Variants in GSE1 observed in about 807,000 individuals in gnomAD.
The protein encoded by GSE1 is Gse1 coiled-coil protein, also known as genetic suppressor element 1.
GSE1 carries 32 observed loss-of-function variants against 112.6 expected under a neutral mutation model. The observed-to-expected ratio is 0.28, with a 90% CI of 0.21 to 0.38. The LOEUF (loss-of-function observed/expected upper bound fraction) is 0.38. GSE1 is among the 10% of genes least tolerant of loss of function. The pLI is 1.00. For synonymous variants in GSE1, 1,115 were observed against 735.6 expected, an observed-to-expected ratio of 1.52 and a Z score of -8.35; for missense variants, 2,348 against 1,699.2, an observed-to-expected ratio of 1.38 and a Z score of -6.71.
chr16:85,634,159 G>T (rs562861824), intron 2 of GSE1, 27 bp downstream of exon 2: 274 of 1,383,418 alleles, frequency 2.0e-4, no homozygotes, highest in Middle Eastern at 2.5e-4. Flanking sequence ...GGCTGCGCGT[G>T]GGGGGAGCGG....
chr16:85,303,527 G>C (rs1597341714), intron 1 of GSE1, among the ~76,000 whole-genome samples: 1 of 152,242 alleles, frequency 6.6e-6, no homozygotes, highest in African/African-American at 2.4e-5. Flanking sequence ...GGGGCCGCTG[G>C]ACTCGCTCAT....
At chr16:85,184,574 C>G (rs958604302) in intron 1 of GSE1, among the ~76,000 whole-genome samples, 2 of 152,228 alleles carry the variant, frequency 1.3e-5, no homozygotes, top group African/African-American at 4.8e-5. Context: ...ATTATCCCTA[C>G]TTTAATAGAG....
At chr16:85,250,485 C>G (rs1426785227) in intron 1 of GSE1, among the ~76,000 whole-genome samples, 1 of 152,244 alleles carries the variant, frequency 6.6e-6, no homozygotes, top group Non-Finnish European at 1.5e-5. Context: ...CCCCGACCCC[C>G]TACCGCTCTG....
chr16:85,305,513 C>T (rs528633363), intron 1 of GSE1, among the ~76,000 whole-genome samples: 1 of 151,904 alleles, frequency 6.6e-6, no homozygotes, highest in African/African-American at 2.4e-5. Flanking sequence ...CGGAGTCTTG[C>T]TCTGTCACCC....
chr16:85,383,186 GCA>G (rs1193266540), intron 2 of GSE1, among the ~76,000 whole-genome samples: 1 of 151,448 alleles, frequency 6.6e-6, no homozygotes, highest in East Asian at 2.0e-4. Context: ...GTGCACATTT[GCA>G]CACACACATC....
At chr16:85,181,851 T>A (rs1567593390) in intron 1 of GSE1, among the ~76,000 whole-genome samples, 1 of 152,178 alleles carries the variant, frequency 6.6e-6, no homozygotes, top group Non-Finnish European at 1.5e-5. Context: ...GAGGCCTGGA[T>A]GTCCCGAGAG....
intron 2 of GSE1, among the ~76,000 whole-genome samples, chr16:85,370,955 G>A (rs959703243): frequency 3.9e-5 from 6 of 152,224 alleles, no homozygotes; most frequent in Admixed American, 3.3e-4. Context: ...GCCAGGGTGG[G>A]GCGGAGGCTG....
At chr16:85,390,574 T>C (rs1421645271) in intron 2 of GSE1, among the ~76,000 whole-genome samples, 1 of 152,192 alleles carries the variant, frequency 6.6e-6, no homozygotes, top group East Asian at 1.9e-4. Context: ...TGTCTGCTCA[T>C]ATTTCATCCT....
chr16:85,298,468 C>G (rs1351089761), intron 1 of GSE1, among the ~76,000 whole-genome samples: 1 of 152,184 alleles, frequency 6.6e-6, no homozygotes, highest in Non-Finnish European at 1.5e-5. Context: ...CTCTCTCTCA[C>G]CCAGGTTGGA....
chr16:85,437,897 G>A (rs1392558672), intron 2 of GSE1, among the ~76,000 whole-genome samples: 1 of 152,162 alleles, frequency 6.6e-6, no homozygotes, highest in Non-Finnish European at 1.5e-5. Context: ...TTCTGAGCCT[G>A]CCTCCTTGAT....
chr16:85,448,754 C>G (rs1431680605), intron 2 of GSE1, among the ~76,000 whole-genome samples: 28 of 152,348 alleles, frequency 1.8e-4, no homozygotes, highest in Non-Finnish European at 1.6e-4. Flanking sequence ...GCCCTGCAAC[C>G]CGGGGCAGGA....
chr16:85,672,670 G>C lies in GSE1; in HGVS notation c.*131G>C. On this transcript the variant is annotated 3_prime_UTR_variant, in exon 16 of 16. Transcript: ENST00000253458. ...AGAATGTGCCATGCATGAAGCAAAG[G>C]ATTCCAGGCTCCAGAAAAAATGAAT... The C allele has an allele frequency of 1.8e-6, 1 of 570,904 alleles. No individual in the cohort carries two copies. Among genetic ancestry groups the C allele is most frequent in the Non-Finnish European group, 2.8e-6 (1 of 360,248 alleles). 35.4% of individuals were successfully genotyped at this position (570,904 alleles called of 1,614,324 possible).
intron 1 of GSE1, among the ~76,000 whole-genome samples, chr16:85,613,912 G>C: frequency 6.7e-6 from 1 of 149,748 alleles, no homozygotes; most frequent in Non-Finnish European, 1.5e-5. Context: ...TTCTTGTCTT[G>C]CTCCCCTCCC....
chr16:85,555,481 C>T (rs529468262), upstream of GSE1: 3 of 985,122 alleles, frequency 3.0e-6, no homozygotes, highest in Admixed American at 6.1e-5. Flanking sequence ...TTTGCAATCG[C>T]CGCCTCTTTT....
chr16:85,581,498 T>C (rs2046446311), intron 1 of GSE1, among the ~76,000 whole-genome samples: 1 of 149,924 alleles, frequency 6.7e-6, no homozygotes, highest in Non-Finnish European at 1.5e-5. Context: ...TATCAGGCCC[T>C]CTGTTTCTGG....
chr16:85,228,179 C>G (rs922728918), intron 1 of GSE1, among the ~76,000 whole-genome samples: 1 of 152,200 alleles, frequency 6.6e-6, no homozygotes, highest in Non-Finnish European at 1.5e-5. Flanking sequence ...CGGCCCCCGC[C>G]GGAGGAGCCC....
intron 1 of GSE1, among the ~76,000 whole-genome samples, chr16:85,195,360 C>G (rs1190276224): frequency 1.3e-5 from 2 of 152,116 alleles, no homozygotes; most frequent in South Asian, 2.1e-4. Context: ...CAGCAAGAAC[C>G]ACGTTGGAGG....
At chr16:85,455,726 T>G (rs557760229) in intron 2 of GSE1, among the ~76,000 whole-genome samples, 4 of 152,216 alleles carry the variant, frequency 2.6e-5, no homozygotes, top group Non-Finnish European at 5.9e-5. Context: ...ACTTCCCACA[T>G]TGGGGAGTTC....
chr16:85,610,690 G>C (rs1567645085), upstream of GSE1, among the ~76,000 whole-genome samples: 1 of 152,148 alleles, frequency 6.6e-6, no homozygotes, highest in Non-Finnish European at 1.5e-5. Flanking sequence ...GCCCCCCGGC[G>C]GTTGCCGGGG....
Sources: allele counts gnomAD v4.1 joint callset (sites outside exome capture counted in the v4.1 genomes callset), GRCh38; gene constraint gnomAD v4.1.1; transcripts MANE v1.5; gene names NCBI Gene and HGNC (gene_info 2026-07-23, HGNC 2026-07-21).